AK4: variants seen among roughly 807,000 people sequenced by gnomAD.
AK4 encodes the protein adenylate kinase 4, also known as adenylate kinase 4, mitochondrial.
In AK4, 13 loss-of-function variants were observed where a neutral mutation model predicts 24.6. The ratio of observed to expected loss-of-function variants is 0.53; its 90% CI spans 0.34 to 0.84. The LOEUF is 0.84. Ranked by LOEUF, AK4 falls within the 40% of genes least tolerant of loss-of-function variation. The pLI, the probability that AK4 is intolerant of heterozygous loss-of-function variation, is 0.01. For missense variants in AK4, 192 were observed against 288.2 expected (o/e 0.67, Z 2.42); for synonymous variants, 88 against 107.0 (o/e 0.82, Z 1.10).
At chr1:65,163,346 A>C (rs932914904) in intron 1 of AK4, among the ~76,000 whole-genome samples, 1 of 152,262 alleles carries the variant, frequency 6.6e-6, no homozygotes, top group Non-Finnish European at 1.5e-5. Context: ...GAATCACAGC[A>C]AATTCACAGA....
intron 1 of AK4, among the ~76,000 whole-genome samples, chr1:65,186,270 G>C (rs1004775333): frequency 1.6e-4 from 24 of 152,048 alleles, no homozygotes; most frequent in Non-Finnish European, 1.5e-5. Flanking sequence ...CAAGTAGCTG[G>C]GATTACAGGC....
intron 2 of AK4, among the ~76,000 whole-genome samples, chr1:65,197,209 C>A (rs1651499002): frequency 1.0e-5 from 1 of 97,866 alleles, no homozygotes; most frequent in African/African-American, 1.2e-4. Flanking sequence ...GTATTAGTAA[C>A]TGTTTTTTTT....
chr1:65,184,640 G>A (rs1651025765), intron 1 of AK4, among the ~76,000 whole-genome samples: 1 of 152,148 alleles, frequency 6.6e-6, no homozygotes, highest in African/African-American at 2.4e-5. Context: ...ATTAGAGCAG[G>A]TAAGTCCATG....
At chr1:65,207,552 GTT>G (rs398053072) in intron 2 of AK4, among the ~76,000 whole-genome samples, 14 of 137,888 alleles carry the variant, frequency 1.0e-4, no homozygotes, top group African/African-American at 3.2e-4. Context: ...CACAGCTGCT[GTT>G]TTTTTTTTTT....
At chr1:65,154,609 C>T (rs765663856) in intron 1 of AK4, 6 of 507,976 alleles carry the variant, frequency 1.2e-5, no homozygotes, top group Non-Finnish European at 1.6e-5. Context: ...CCAGTGTTTC[C>T]GTCAGTACGC....
chr1:65,215,942 T>C (rs1281168075), intron 2 of AK4, among the ~76,000 whole-genome samples: 1 of 152,206 alleles, frequency 6.6e-6, no homozygotes, highest in Non-Finnish European at 1.5e-5. Flanking sequence ...AAAGACTGTT[T>C]TCTTGTCAAG....
chr1:65,153,979 GC>G (rs1463544697), intron 1 of AK4, among the ~76,000 whole-genome samples: 1 of 152,220 alleles, frequency 6.6e-6, no homozygotes, highest in Non-Finnish European at 1.5e-5. Flanking sequence ...ATCAGGTAGA[GC>G]CTGGGGGATC....
chr1:65,148,075 G>A (rs984793744), upstream of AK4: 12 of 274,472 alleles, frequency 4.4e-5, no homozygotes, highest in Non-Finnish European at 5.4e-5. Flanking sequence ...TGGCCGGGCC[G>A]ACCTCTGACC....
intron 1 of AK4, 30 bp downstream of exon 1, chr1:65,148,582 G>T (rs1260422005): frequency 6.4e-7 from 1 of 1,571,688 alleles, no homozygotes; most frequent in African/African-American, 1.3e-5. Flanking sequence ...AGGGCCGGGG[G>T]CGAGCCGCGT....
chr1:65,148,701 C>A (rs1161120147), intron 1 of AK4, 149 bp downstream of exon 1: 10 of 1,186,580 alleles, frequency 8.4e-6, no homozygotes, highest in Non-Finnish European at 1.1e-5. Flanking sequence ...ATGCAGCTGG[C>A]GGCCGCGCGG....
At chr1:65,181,243 ATC>A (rs376886480) in intron 1 of AK4, among the ~76,000 whole-genome samples, 2 of 151,414 alleles carry the variant, frequency 1.3e-5, no homozygotes, top group East Asian at 3.9e-4. Context: ...TCCTTTTTCC[ATC>A]TCTCTCCTCC....
intron 1 of AK4, among the ~76,000 whole-genome samples, chr1:65,155,644 CT>C (rs11340935): frequency 0.2 from 28,966 of 144,682 alleles, 4,332 homozygotes; most frequent in African/African-American, 0.42. Context: ...ACTGCTAATA[CT>C]TTTTTTTTTT....
intron 1 of AK4, among the ~76,000 whole-genome samples, chr1:65,152,932 ATG>A (rs1460074817): frequency 6.6e-6 from 1 of 152,168 alleles, no homozygotes; most frequent in Admixed American, 6.5e-5. Context: ...GAGTTCAACA[ATG>A]TATCTAAAAC....
chr1:65,172,981 A>G (rs1016156764), intron 1 of AK4, among the ~76,000 whole-genome samples: 3 of 149,452 alleles, frequency 2.0e-5, no homozygotes, highest in Non-Finnish European at 3.0e-5. Context: ...TCCTGTCTCA[A>G]CCTCTCAGGT....
rs140026111 is a variant in AK4, at chr1:65,172,806, CTCT to C, written c.146-17895_146-17893del. ...GCAAGATGAAATGCGATGCTTTCTT[CTCT>C]TCTTCTTCGCTATTTCTACTTCTGG... On this transcript the variant is annotated intron_variant, in intron 1 of 4. Coordinates refer to ENST00000327299, the MANE Select transcript of AK4 (RefSeq NM_013410.4). 8.7e-3 allele frequency among the ~76,000 whole-genome samples: 1,298 copies of C among 149,166 alleles called. 22 individuals are homozygous for C. The highest frequency in any genetic ancestry group is 0.03 in the African/African-American group (1,233 of 40,484).
intron 1 of AK4, among the ~76,000 whole-genome samples, chr1:65,178,512 G>C (rs774316540): frequency 5.3e-5 from 8 of 152,218 alleles, no homozygotes; most frequent in Admixed American, 6.5e-5. Flanking sequence ...CTGTAGTACA[G>C]ACACCGAATG....
At chr1:65,199,658 A>T (rs1651602398) in intron 2 of AK4, among the ~76,000 whole-genome samples, 1 of 152,234 alleles carries the variant, frequency 6.6e-6, no homozygotes, top group South Asian at 2.1e-4. Flanking sequence ...GACAATTTTT[A>T]TCATGTTAGA....
intron 2 of AK4, among the ~76,000 whole-genome samples, chr1:65,194,468 A>C (rs780936631): frequency 9.2e-5 from 14 of 151,816 alleles, no homozygotes; most frequent in Non-Finnish European, 1.6e-4. Context: ...CACTTGAGTA[A>C]TTTCTTTTTT....
At chr1:65,192,211 G>A (rs1196463036) in intron 2 of AK4, among the ~76,000 whole-genome samples, 1 of 152,182 alleles carries the variant, frequency 6.6e-6, no homozygotes, top group Non-Finnish European at 1.5e-5. Context: ...GGAAAGTCCA[G>A]GAGCATGGTG....
Sources: allele counts gnomAD v4.1 joint callset (sites outside exome capture counted in the v4.1 genomes callset), GRCh38; gene constraint gnomAD v4.1.1; transcripts MANE v1.5; gene names NCBI Gene and HGNC (gene_info 2026-07-23, HGNC 2026-07-21).